Variants in SLC25A6 observed in about 807,000 individuals in gnomAD.
SLC25A6 encodes the protein solute carrier family 25 member 6.
Under a neutral mutation model 25.7 loss-of-function variants are expected in SLC25A6, and 9 were observed. That is an observed-to-expected ratio of 0.35 (90% CI 0.21 to 0.61). The LOEUF (loss-of-function observed/expected upper bound fraction) is 0.61, where lower values mean the gene tolerates loss of function less well. SLC25A6 is among the 20% of genes least tolerant of loss of function. The pLI is 0.76. For missense variants in SLC25A6, 404 were observed against 440.5 expected, an observed-to-expected ratio of 0.92 and a Z score of 0.74; for synonymous variants, 223 against 197.0, an observed-to-expected ratio of 1.13 and a Z score of -1.11.
Position 1,386,266 on chromosome X carries a change from T to C in SLC25A6, c.*336A>G. On this transcript the variant is annotated 3_prime_UTR_variant, in exon 4 of 4. Coordinates refer to ENST00000381401, the MANE Select transcript of SLC25A6 (RefSeq NM_001636.4). Reference sequence around the variant, plus strand: ...GCGCTGAAGTACAAATGGGAAAACGTGATTCTTTTGTTTTAAATAAATACT... The same window carrying C: ...GCGCTGAAGTACAAATGGGAAAACGCGATTCTTTTGTTTTAAATAAATACT... 1 of 292,252 alleles carries C rather than the reference T, an allele frequency of 3.4e-6. No homozygotes were observed. Among genetic ancestry groups the C allele is most frequent in the Non-Finnish European group, 6.3e-6 (1 of 158,800 alleles). 18.1% of individuals were successfully genotyped at this position (292,252 alleles called of 1,614,324 possible). A position where few individuals can be genotyped will look rare whatever the true frequency, so the allele number is the denominator to read the frequency against.
chrX:1,389,873 T>C, intron 1 of SLC25A6, 146 bp from the exon 2 acceptor site: 1 of 1,406,908 alleles, frequency 7.1e-7, no homozygotes, highest in South Asian at 1.4e-5. Flanking sequence ...TTCTCCTGTC[T>C]CAGCCTCCCG....
chrX:1,390,962 A>G (rs761560082), intron 1 of SLC25A6, among the ~76,000 whole-genome samples: 51 of 150,382 alleles, frequency 3.4e-4, no homozygotes, highest in Admixed American at 2.7e-3. Context: ...GGGTCTTGCT[A>G]TGTTGTCCTG....
Position 1,386,617 on chromosome X carries a change from G to T in SLC25A6, c.882C>A (p.Leu294=). Residue 294 remains leucine, a synonymous_variant, in exon 4 of 4, where the codon CTC becomes CTA. Transcript: ENST00000381401. The stretch of plus-strand genomic sequence containing the variant: ...GCCGCGGCCCTTAGATCACCTTCTT[G>T]AGCTCGTCGTACAGGACCAGCACGA... ...GAFVLVLYDE[L]KKVI 1 of 1,581,740 alleles carries T rather than the reference G, an allele frequency of 6.3e-7. No individual in the cohort carries two copies. Among genetic ancestry groups the T allele is most frequent in the Non-Finnish European group, 8.6e-7 (1 of 1,165,138 alleles).
At chrX:1,390,583 A>G (rs1291368252) in intron 1 of SLC25A6, among the ~76,000 whole-genome samples, 27 of 151,734 alleles carry the variant, frequency 1.8e-4, no homozygotes, top group African/African-American at 6.5e-4. Context: ...ATCTCAAAAA[A>G]AAAAAAAAAG....
rs767448739 is a variant in SLC25A6, at chrX:1,391,735, G to A, written c.111+164C>T. Among the ~76,000 whole-genome samples, 13 of 152,342 alleles carry A rather than the reference G, an allele frequency of 8.5e-5. 1 individual carries two copies. The South Asian group carries it at 2.7e-3, about 32-fold the overall frequency. ...GACGTCGCCACGCCCTGCAGCAGCG[G>A]TCACGTGACGCGGCCCCCGGAAGCC... On this transcript the variant is annotated intron_variant, in intron 1 of 3. Transcript: ENST00000381401.
rs751647892 is a variant in SLC25A6 at position 1,389,394 on chromosome X, C to G, written c.445G>C (p.Gly149Arg). The change falls in exon 2 of 4, where the codon GGC becomes CGC. Residue 149 changes from glycine to arginine, a missense_variant. Gly to Arg is a moderately radical substitution (Grantham distance 125, BLOSUM62 -2). Transcript: ENST00000381401. The part of the protein sequence containing the change: ...TRLAADVGKS[G>R]TEREFRGLGD... ...AGGCCTCGGAACTCGCGCTCTGTGC[C>G]TGACTTTCCCACGTCCGCTGCCAGG... 1 of 1,613,798 alleles carries G rather than the reference C, an allele frequency of 6.2e-7. No individual in the cohort carries two copies. The highest frequency in any genetic ancestry group is 8.5e-7 in the Non-Finnish European group (1 of 1,179,880).
At position 1,389,602 on chromosome X, in the gene SLC25A6, A is replaced by G. The variant is rs1431199229; in HGVS notation, c.237T>C (p.Ile79=). The G allele has an allele frequency of 6.2e-7, 1 of 1,614,150 alleles. No individual in the cohort carries two copies. The highest frequency in any genetic ancestry group is 1.1e-5 in the South Asian group (1 of 91,078). ...TGAGGGCTTGAGTGGGGAAGTAGCG[A>G]ATGACGTTGGCAAGGTTGCCCCTCC... ...SFWRGNLANV[I]RYFPTQALNF... Residue 79 remains isoleucine (I), a synonymous_variant, in exon 2 of 4, where the codon ATT becomes ATC. Transcript: ENST00000381401.
In SLC25A6 at chrX:1,386,669, T is replaced by C; in HGVS notation, c.830A>G (p.Asn277Ser). The C allele has an allele frequency of 5.6e-6, 9 of 1,612,850 alleles. No individual in the cohort carries two copies. Among genetic ancestry groups the C allele is most frequent in the Non-Finnish European group, 7.6e-6 (9 of 1,179,370 alleles). ...GGCGCCCCCCATGCCCCGCAGGACG[T>C]TGGACCACGCACCCTTGAAGAAGGC... ...GKAFFKGAWS[N>S]VLRGMGGAFV... is the part of the protein sequence containing the mutation. The change falls in exon 4 of 4, where the codon AAC (asparagine) becomes AGC (serine). Residue 277 changes from asparagine to serine, a missense_variant. Transcript: ENST00000381401.
chrX:1,386,836 C>T lies in SLC25A6; in HGVS notation c.740-77G>A, dbSNP rs767013147. ...CGGACGCCACCTGCACCCACAAAGACGTTTCACAGAAATAACACCCCAGAC... is the reference window on the plus strand; with the variant it reads ...CGGACGCCACCTGCACCCACAAAGATGTTTCACAGAAATAACACCCCAGAC... On this transcript the variant is annotated intron_variant, in intron 3 of 3. Transcript: ENST00000381401. 1.5e-5 allele frequency: 22 copies of T among 1,503,684 alleles called. No individual in the cohort carries two copies. In the African/African-American group the frequency reaches 2.0e-4, roughly 13 times the overall value. 93.1% of individuals were successfully genotyped at this position (1,503,684 alleles called of 1,614,324 possible).
intron 2 of SLC25A6, among the ~76,000 whole-genome samples, chrX:1,388,246 C>T (rs1378547209): frequency 2.7e-5 from 4 of 148,608 alleles, no homozygotes; most frequent in Non-Finnish European, 6.0e-5. Context: ...CTCAGACTTC[C>T]AGACTCCAGG....
At chrX:1,389,153 T>C in intron 2 of SLC25A6, 88 bp downstream of exon 2, 9 of 1,462,040 alleles carry the variant, frequency 6.2e-6, no homozygotes, top group Non-Finnish European at 8.4e-6. Flanking sequence ...GCCCACACCT[T>C]ATCTCAGACC....
intron 1 of SLC25A6, among the ~76,000 whole-genome samples, chrX:1,390,735 G>C (rs1300528461): frequency 6.7e-6 from 1 of 148,538 alleles, no homozygotes; most frequent in Non-Finnish European, 1.5e-5. Context: ...ACGTTGCCCT[G>C]GCTGGTCTCA....
Position 1,389,466 on chromosome X carries a change from C to T in SLC25A6, c.373G>A (p.Ala125Thr). The T allele has an allele frequency of 1.9e-6, 3 of 1,613,948 alleles. No individual in the cohort carries two copies. The highest frequency in any genetic ancestry group is 2.5e-6 in the Non-Finnish European group (3 of 1,179,958). The change falls in exon 2 of 4, where the codon GCG becomes ACG. Residue 125 changes from alanine to threonine, a missense_variant. Transcript: ENST00000381401. Reference protein sequence around the residue: ...GNLASGGAAGATSLCFVYPLD... With the variant: ...GNLASGGAAGTTSLCFVYPLD... ...GGGTACACGAAGCAGAGGGAGGTCG[C>T]GCCGGCCGCACCGCCGGAGGCCAGG...
intron 2 of SLC25A6, 57 bp downstream of exon 2, chrX:1,389,184 G>C: frequency 6.4e-7 from 1 of 1,568,804 alleles, no homozygotes; most frequent in Non-Finnish European, 8.7e-7. Flanking sequence ...AGGACCCTGG[G>C]GGAACGTCTG....
intron 1 of SLC25A6, 44 bp downstream of exon 1, chrX:1,391,855 T>G (rs1434031206): frequency 6.8e-7 from 1 of 1,480,646 alleles, no homozygotes; most frequent in African/African-American, 1.4e-5. Flanking sequence ...GGCCACTCGG[T>G]TCCCGTCCCC....
rs1248817692 is a variant in SLC25A6, at chrX:1,386,531, A to C, written c.*71T>G. 7.1e-7 allele frequency: 1 copy of C among 1,401,876 alleles called. No homozygotes were observed. The highest frequency in any genetic ancestry group is 1.5e-5 in the African/African-American group (1 of 66,894). 86.8% of individuals were successfully genotyped at this position (1,401,876 alleles called of 1,614,324 possible). A position where few individuals can be genotyped will look rare whatever the true frequency, so the allele number is the denominator to read the frequency against. On this transcript the variant is annotated 3_prime_UTR_variant, in exon 4 of 4. Transcript: ENST00000381401. ...AATTTCTCGAAGGTTGATGGTCCGC[A>C]CGGTTGAGGATTCTACGTGGTTCTC... is the stretch of plus-strand genomic sequence containing the variant.
Position 1,387,269 on chromosome X carries a change from C to G in SLC25A6, c.739+10G>C. ...TCCCGGCAGCAAGGGTCCCCCGCCC[C>G]CCCGAGTACCTCCTTTGCGCCCGGA... On this transcript the variant is annotated intron_variant, in intron 3 of 3. Transcript: ENST00000381401. 1 of 1,610,492 alleles carries G rather than the reference C, an allele frequency of 6.2e-7. No homozygotes were observed.
intron 2 of SLC25A6, among the ~76,000 whole-genome samples, 175 bp from the exon 3 acceptor site, chrX:1,387,594 G>A (rs1371229019): frequency 4.6e-5 from 7 of 151,840 alleles, no homozygotes; most frequent in African/African-American, 1.7e-4. Context: ...ACGAGAGGTC[G>A]GGGCAGGGCC....
In SLC25A6 at chrX:1,386,523, T is replaced by C. The variant is rs1379775776; in HGVS notation, c.*79A>G. ...ACAACTGGAATTTCTCGAAGGTTGATGGTCCGCACGGTTGAGGATTCTACG... is the reference window on the plus strand; with the variant it reads ...ACAACTGGAATTTCTCGAAGGTTGACGGTCCGCACGGTTGAGGATTCTACG... On this transcript the variant is annotated 3_prime_UTR_variant, in exon 4 of 4. Transcript: ENST00000381401. 2.2e-6 allele frequency: 3 copies of C among 1,352,014 alleles called. No individual in the cohort carries two copies. The highest frequency in any genetic ancestry group is 1.5e-5 in the African/African-American group (1 of 66,382). 83.8% of individuals were successfully genotyped at this position (1,352,014 alleles called of 1,614,324 possible). A position where few individuals can be genotyped will look rare whatever the true frequency, so the allele number is the denominator to read the frequency against.
Sources: gnomAD v4.1 joint callset for allele counts (sites outside exome capture counted in the v4.1 genomes callset) on GRCh38, gnomAD v4.1.1 for gene constraint, MANE v1.5 for transcripts, NCBI Gene and HGNC (gene_info 2026-07-23, HGNC 2026-07-21) for gene names.